TASP1: variants seen among roughly 807,000 people sequenced by gnomAD.
TASP1 encodes the protein threonine aspartase 1.
A neutral mutation model predicts 56.6 loss-of-function variants in TASP1; 16 were observed. The ratio of observed to expected loss-of-function variants is 0.28; its 90% confidence interval spans 0.19 to 0.43. TASP1 has a LOEUF of 0.43. TASP1 is among the 20% of genes least tolerant of loss of function. The pLI, the probability that TASP1 is intolerant of heterozygous loss-of-function variation, is 1.00. For synonymous variants in TASP1, 179 were observed against 184.2 expected (o/e 0.97, Z 0.23); for missense variants, 393 against 511.6 (o/e 0.77, Z 2.24).
chr20:13,431,251 C>T (rs113321755), intron 12 of TASP1, among the ~76,000 whole-genome samples: 1 of 151,906 alleles, frequency 6.6e-6, no homozygotes, highest in Non-Finnish European at 1.5e-5. Context: ...ACTCTTATGA[C>T]AGTGAAAAAG....
At chr20:13,208,080 T>C in the TASP1 span, among the ~76,000 whole-genome samples, 2 of 152,246 alleles carry the variant, frequency 1.3e-5, no homozygotes, top group Non-Finnish European at 2.9e-5. Flanking sequence ...TCTTTGATCA[T>C]GCAGTCTCTC....
At chr20:13,443,515 T>G (rs2043295241) in intron 11 of TASP1, among the ~76,000 whole-genome samples, 1 of 152,186 alleles carries the variant, frequency 6.6e-6, no homozygotes, top group Admixed American at 6.5e-5. Flanking sequence ...TAATCTCAAC[T>G]AGATCCCTTA....
chr20:13,128,537 A>G, the TASP1 span, among the ~76,000 whole-genome samples: 2 of 152,210 alleles, frequency 1.3e-5, no homozygotes, highest in Admixed American at 1.3e-4. Flanking sequence ...GGGTCAGCCT[A>G]GAGGTGACTC....
the TASP1 span, among the ~76,000 whole-genome samples, chr20:13,236,382 A>C: frequency 2.0e-5 from 3 of 152,178 alleles, no homozygotes; most frequent in African/African-American, 7.2e-5. Context: ...AATTGCCTCC[A>C]CCTGGGTCCT....
At chr20:13,403,113 G>A (rs2041799070) in intron 13 of TASP1, among the ~76,000 whole-genome samples, 1 of 152,144 alleles carries the variant, frequency 6.6e-6, no homozygotes, top group Admixed American at 6.5e-5. Flanking sequence ...CAGGGTTCAG[G>A]GAGGAGTGTC....
chr20:13,145,358 A>C, the TASP1 span, among the ~76,000 whole-genome samples: 1 of 152,332 alleles, frequency 6.6e-6, no homozygotes, highest in East Asian at 1.9e-4. Flanking sequence ...CAAAACTGAG[A>C]GCCAAATTAG....
the TASP1 span, among the ~76,000 whole-genome samples, chr20:13,287,929 G>A: frequency 6.6e-6 from 1 of 152,306 alleles, no homozygotes; most frequent in East Asian, 1.9e-4. Context: ...GCTCCTGATG[G>A]CAACAGCTGC....
chr20:13,146,319 A>G, the TASP1 span, among the ~76,000 whole-genome samples: 3 of 152,076 alleles, frequency 2.0e-5, no homozygotes, highest in Admixed American at 6.5e-5. Flanking sequence ...AGAGAGAACT[A>G]TTGTACTGGG....
At chr20:13,150,041 G>A in the TASP1 span, among the ~76,000 whole-genome samples, 7 of 152,278 alleles carry the variant, frequency 4.6e-5, no homozygotes, top group South Asian at 2.1e-4. Context: ...GAATGCACAC[G>A]GGGACAGGCC....
the TASP1 span, among the ~76,000 whole-genome samples, chr20:13,360,879 T>G: frequency 6.6e-6 from 1 of 152,048 alleles, no homozygotes; most frequent in Non-Finnish European, 1.5e-5. Context: ...ACATTCACAT[T>G]TCCCCAAATT....
intron 10 of TASP1, among the ~76,000 whole-genome samples, chr20:13,491,473 C>T (rs1022015678): frequency 1.3e-5 from 2 of 152,260 alleles, no homozygotes; most frequent in East Asian, 1.9e-4. Flanking sequence ...CTTGAGTACA[C>T]GAGTTGATCA....
the TASP1 span, chr20:13,167,854 TC>T: frequency 1.3e-5 from 2 of 152,206 alleles, no homozygotes; most frequent in East Asian, 3.8e-4. Context: ...GTGATTCTAA[TC>T]TATGCCAAAA....
At chr20:13,287,723 T>C in the TASP1 span, among the ~76,000 whole-genome samples, 1,800 of 152,322 alleles carry the variant, frequency 0.012, 11 homozygotes, top group Admixed American at 0.02. Flanking sequence ...CAAAAAGGGT[T>C]CAATAGGTAT....
intron 10 of TASP1, among the ~76,000 whole-genome samples, chr20:13,487,496 G>C (rs1361597403): frequency 6.6e-6 from 1 of 152,172 alleles, no homozygotes; most frequent in Admixed American, 6.5e-5. Flanking sequence ...AGGAGTGCCA[G>C]TCTCTACGGC....
At chr20:13,193,279 TA>T in the TASP1 span, among the ~76,000 whole-genome samples, 1 of 152,120 alleles carries the variant, frequency 6.6e-6, no homozygotes, top group Admixed American at 6.6e-5. Context: ...TAAATCAGAA[TA>T]GTCTAAATAC....
At chr20:13,341,781 G>T in the TASP1 span, among the ~76,000 whole-genome samples, 5 of 152,172 alleles carry the variant, frequency 3.3e-5, no homozygotes, top group African/African-American at 4.8e-5. Context: ...GCTTGGCCAG[G>T]CTCTCTCATG....
chr20:13,526,366 A>G (rs2044978048), intron 10 of TASP1, among the ~76,000 whole-genome samples: 2 of 152,166 alleles, frequency 1.3e-5, no homozygotes, highest in Admixed American at 6.6e-5. Context: ...GATTTCTTTG[A>G]GACAATCAAA....
At chr20:13,524,712 A>C (rs2044904203) in intron 10 of TASP1, among the ~76,000 whole-genome samples, 3 of 152,132 alleles carry the variant, frequency 2.0e-5, no homozygotes, top group African/African-American at 7.2e-5. Flanking sequence ...AAACTTCTGG[A>C]TTCAGGTGTG....
At chr20:13,216,535 G>T in the TASP1 span, among the ~76,000 whole-genome samples, 1 of 152,050 alleles carries the variant, frequency 6.6e-6, no homozygotes, top group Admixed American at 6.5e-5. Flanking sequence ...TTGATTAATT[G>T]CCAAAGGGAC....
Sources: gnomAD v4.1 joint callset for allele counts (sites outside exome capture counted in the v4.1 genomes callset) on GRCh38, gnomAD v4.1.1 for gene constraint, MANE v1.5 for transcripts, NCBI Gene and HGNC (gene_info 2026-07-23, HGNC 2026-07-21) for gene names.